Variants in DOCK3 observed in about 807,000 individuals in gnomAD.
DOCK3 encodes dedicator of cytokinesis protein 3.
A neutral mutation model predicts 265.6 loss-of-function variants in DOCK3; 60 were observed. The ratio of observed to expected loss-of-function variants is 0.23; its 90% CI spans 0.18 to 0.28. The LOEUF (loss-of-function observed/expected upper bound fraction) is 0.28. Among genes scored for constraint, DOCK3 ranks in the 10% least tolerant of loss-of-function variants. The pLI, the probability that DOCK3 is intolerant of heterozygous loss-of-function variation, is 1.00. For synonymous variants in DOCK3, 881 were observed against 938.0 expected, an observed-to-expected ratio of 0.94 and a Z score of 1.11; for missense variants, 1,981 against 2,594.3, an observed-to-expected ratio of 0.76 and a Z score of 5.14.
intron 5 of DOCK3, among the ~76,000 whole-genome samples, chr3:51,055,741 T>C (rs970511429): frequency 3.9e-5 from 5 of 127,150 alleles, no homozygotes; most frequent in Non-Finnish European, 8.7e-5. Flanking sequence ...ACAGCCTCCA[T>C]TGTCATATCT....
At chr3:51,250,283 A>T (rs1435616251) in intron 22 of DOCK3, among the ~76,000 whole-genome samples, 3 of 56,974 alleles carry the variant, frequency 5.3e-5, no homozygotes, top group African/African-American at 1.6e-4. Context: ...AAAAAAAAAA[A>T]AAATTAAAAA....
chr3:51,183,416 G>T (rs955937048), intron 12 of DOCK3, among the ~76,000 whole-genome samples: 1 of 152,090 alleles, frequency 6.6e-6, no homozygotes, highest in Non-Finnish European at 1.5e-5. Context: ...ATCTTGAAAT[G>T]GTTGGGGGTG....
chr3:51,353,706 T>C (rs1022020647), intron 40 of DOCK3, among the ~76,000 whole-genome samples: 5 of 152,218 alleles, frequency 3.3e-5, no homozygotes, highest in Admixed American at 3.3e-4. Context: ...GAAATCCTAT[T>C]TCAAGAAGAT....
intron 3 of DOCK3, among the ~76,000 whole-genome samples, chr3:50,889,066 GGTGTGTGTGTGTGTGTGT>G (rs36180907): frequency 8.7e-4 from 117 of 134,266 alleles, no homozygotes; most frequent in Admixed American, 4.4e-3. Flanking sequence ...TTAAGCCATG[GGTGTGTGTGTGTGTGTGT>G]GTGTGTGTGT....
chr3:50,958,117 T>C (rs889228760), intron 5 of DOCK3, among the ~76,000 whole-genome samples: 1 of 152,242 alleles, frequency 6.6e-6, no homozygotes, highest in African/African-American at 2.4e-5. Context: ...CCACTGCTAT[T>C]GTCTGGATAT....
chr3:50,988,544 A>G (rs1186483582), intron 5 of DOCK3, among the ~76,000 whole-genome samples: 1 of 152,104 alleles, frequency 6.6e-6, no homozygotes, highest in Admixed American at 6.5e-5. Context: ...ATGTGGTGAG[A>G]TTGCTTTTTT....
chr3:50,726,483 A>T (rs1576248845), intron 1 of DOCK3, among the ~76,000 whole-genome samples: 1 of 152,292 alleles, frequency 6.6e-6, no homozygotes, highest in African/African-American at 2.4e-5. Context: ...TGTACTTTTG[A>T]CTGATCTTCC....
intron 3 of DOCK3, among the ~76,000 whole-genome samples, chr3:50,879,927 C>G: frequency 6.6e-6 from 1 of 152,176 alleles, no homozygotes. Context: ...TTATAACAAA[C>G]TGTCTCTCAG....
intron 4 of DOCK3, chr3:50,901,529 T>C (rs1005983897): frequency 1.2e-5 from 5 of 426,490 alleles, no homozygotes; most frequent in African/African-American, 4.0e-5. Context: ...TGAAAAAATA[T>C]GCTGCAGTTA....
At chr3:51,061,135 AT>A (rs1312893682) in intron 5 of DOCK3, among the ~76,000 whole-genome samples, 20 of 152,332 alleles carry the variant, frequency 1.3e-4, no homozygotes, top group African/African-American at 4.8e-4. Flanking sequence ...TAGTTCAACC[AT>A]TGTGGAAGTC....
At chr3:50,933,542 T>C (rs557106018) in intron 4 of DOCK3, among the ~76,000 whole-genome samples, 7 of 152,234 alleles carry the variant, frequency 4.6e-5, no homozygotes, top group Admixed American at 3.3e-4. Flanking sequence ...ATTGTGTGGG[T>C]TCCTCCCCTC....
At chr3:51,282,799 T>C (rs1408793509) in intron 27 of DOCK3, among the ~76,000 whole-genome samples, 2 of 152,104 alleles carry the variant, frequency 1.3e-5, no homozygotes, top group Admixed American at 1.3e-4. Flanking sequence ...TCCCAAAAAG[T>C]AGAAGAGGAC....
chr3:51,086,087 A>G lies in DOCK3; in HGVS notation c.550-3156A>G, dbSNP rs187285856. Among the ~76,000 whole-genome samples the G allele has an allele frequency of 2.0e-3, 307 of 151,708 alleles. 3 individuals are homozygous for G. The highest frequency in any genetic ancestry group is 6.8e-3 in the African/African-American group (279 of 41,308). ...GAGAGCCTCAAACAGAGATTTACCC[A>G]TGTATTTCTTAACAGCAAGCCAGTG... is the stretch of plus-strand genomic sequence containing the variant. On this transcript the variant is annotated intron_variant, in intron 7 of 52. Transcript: ENST00000266037.
At position 51,146,544 on chromosome 3, in the gene DOCK3, T is replaced by G; in HGVS notation, c.747-5T>G. 1 of 1,588,268 alleles carries G rather than the reference T, an allele frequency of 6.3e-7. No homozygotes were observed. The highest frequency in any genetic ancestry group is 1.2e-5 in the South Asian group (1 of 86,858). ...TTCTCTATATCTTTCTTTCCTACAT[T>G]TCAGTGAGCGGTTTCTGGTAAGACT... On this transcript the variant is annotated splice_polypyrimidine_tract_variant and splice_region_variant and intron_variant, in intron 9 of 52. Coordinates refer to ENST00000266037, the MANE Select transcript of DOCK3 (RefSeq NM_004947.5).
intron 1 of DOCK3, among the ~76,000 whole-genome samples, chr3:50,746,326 C>G (rs201237143): frequency 4.6e-5 from 7 of 151,966 alleles, no homozygotes; most frequent in African/African-American, 1.5e-4. Flanking sequence ...AGGCTGGTCT[C>G]GAACTCCTGA....
chr3:51,026,267 G>A (rs988098582), intron 5 of DOCK3, among the ~76,000 whole-genome samples: 6 of 152,008 alleles, frequency 3.9e-5, no homozygotes, highest in African/African-American at 1.4e-4. Flanking sequence ...TTCCATTGAT[G>A]TGGTGAATCA....
intron 27 of DOCK3, among the ~76,000 whole-genome samples, chr3:51,307,045 T>C (rs2082725595): frequency 6.6e-6 from 1 of 152,178 alleles, no homozygotes; most frequent in South Asian, 2.1e-4. Context: ...CCCCAGGGCT[T>C]GTTATTGTTG....
chr3:50,762,915 GT>G (rs1286059828), intron 1 of DOCK3, among the ~76,000 whole-genome samples: 2 of 151,648 alleles, frequency 1.3e-5, no homozygotes, highest in African/African-American at 4.8e-5. Context: ...TTTTTTAAAA[GT>G]TTTTTTTGAA....
At position 51,089,255 on chromosome 3, in the gene DOCK3, C is replaced by A; in HGVS notation, c.562C>A (p.Arg188=). The change falls in exon 8 of 53, where the codon CGG becomes AGG. Residue 188 remains arginine (R), a synonymous_variant. Transcript: ENST00000266037. ...SDLYKMHLSS[R]QSVQQSTSQV... is the part of the protein sequence containing the mutation. Reference sequence around the variant, plus strand: ...CTTCTTTCCATAGCATTTATCTAGCCGGCAGAGTGTACAGCAAAGCACATC... The same window carrying A: ...CTTCTTTCCATAGCATTTATCTAGCAGGCAGAGTGTACAGCAAAGCACATC... The A allele has an allele frequency of 2.5e-6, 4 of 1,609,162 alleles. No homozygotes were observed. The highest frequency in any genetic ancestry group is 3.4e-6 in the Non-Finnish European group (4 of 1,177,680).
Sources: gnomAD v4.1 joint callset for allele counts (sites outside exome capture counted in the v4.1 genomes callset) on GRCh38, gnomAD v4.1.1 for gene constraint, MANE v1.5 for transcripts, NCBI Gene and HGNC (gene_info 2026-07-23, HGNC 2026-07-21) for gene names.